The following KIF26B variants were observed in gnomAD, a reference collection of about 807,000 sequenced individuals.
KIF26B encodes kinesin-like protein KIF26B.
In KIF26B, 63 loss-of-function variants were observed where a neutral mutation model predicts 151.2. The ratio of observed to expected loss-of-function variants is 0.42; its 90% CI spans 0.34 to 0.51. KIF26B has a LOEUF of 0.51. Among genes scored for constraint, KIF26B ranks in the 20% least tolerant of loss-of-function variants. The pLI, the probability that KIF26B is intolerant of heterozygous loss-of-function variation, is 0.07. For synonymous variants in KIF26B, 1,357 were observed against 1,262.1 expected (o/e 1.08, Z -1.59); for missense variants, 2,813 against 2,913.6 (o/e 0.97, Z 0.79).
rs7551368 is a variant in KIF26B, at chr1:245,248,853, C to T, written c.465+92170C>T. On this transcript the variant is annotated intron_variant, in intron 2 of 14. Coordinates refer to ENST00000407071, the MANE Select transcript of KIF26B (RefSeq NM_018012.4). ...TCAAGTGTAAATCAGTCTGTACCTC[C>T]GAGTGGAAACCAGTCAGTGGGATGT... is the stretch of plus-strand genomic sequence containing the variant. Among the ~76,000 whole-genome samples the T allele has an allele frequency of 8.4e-3, 1,278 of 152,262 alleles. 7 individuals carry two copies. The highest frequency in any genetic ancestry group is 0.027 in the Middle Eastern group (8 of 294).
chr1:245,579,535 G>A (rs544118189), intron 5 of KIF26B, among the ~76,000 whole-genome samples: 1 of 152,222 alleles, frequency 6.6e-6, no homozygotes, highest in East Asian at 1.9e-4. Context: ...TTGGCTGGGT[G>A]CAGTGGCTCA....
At position 245,684,356 on chromosome 1, in the gene KIF26B, T is replaced by C. The variant is rs2044480442; in HGVS notation, c.2382T>C (p.Ile794=). Residue 794 remains isoleucine, a synonymous_variant, in exon 11 of 15, where the codon ATT becomes ATC. Coordinates refer to ENST00000407071, the MANE Select transcript of KIF26B (RefSeq NM_018012.4). ...CGGAGACCCTGTCCACCATCCAGATTGCATCGAGAGTCTTGAGGATGAAGA... is the reference window on the plus strand; with the variant it reads ...CGGAGACCCTGTCCACCATCCAGATCGCATCGAGAGTCTTGAGGATGAAGA... The part of the protein sequence containing the change: ...SYAETLSTIQ[I]ASRVLRMKKK... The C allele has an allele frequency of 6.2e-7, 1 of 1,613,130 alleles. No individual in the cohort carries two copies. The highest frequency in any genetic ancestry group is 8.5e-7 in the Non-Finnish European group (1 of 1,179,640).
intron 5 of KIF26B, among the ~76,000 whole-genome samples, chr1:245,558,289 G>A (rs1662083898): frequency 6.6e-6 from 1 of 152,178 alleles, no homozygotes; most frequent in South Asian, 2.1e-4. Context: ...AGGCTGCAGG[G>A]GGCTGGCTCC....
At chr1:245,658,791 G>T (rs6662217) in intron 10 of KIF26B, among the ~76,000 whole-genome samples, 4,867 of 152,164 alleles carry the variant, frequency 0.032, 256 homozygotes, top group African/African-American at 0.11. Flanking sequence ...AGCCTTCTCT[G>T]ATCTCCTTTC....
chr1:245,599,435 GC>G (rs2043368790), intron 5 of KIF26B, among the ~76,000 whole-genome samples: 1 of 152,226 alleles, frequency 6.6e-6, no homozygotes, highest in Non-Finnish European at 1.5e-5. Context: ...TGAGCCGCAG[GC>G]TCGGGATTTC....
rs566904769 is a variant in KIF26B at position 245,450,859 on chromosome 1, T to G, written c.1166+31114T>G. On this transcript the variant is annotated intron_variant, in intron 4 of 14. Coordinates refer to ENST00000407071, the MANE Select transcript of KIF26B (RefSeq NM_018012.4). ...GTGAAATGTGAATGAATTTTTAAGATAGATATTTTAAGATGAATTTTTAAG... is the reference window on the plus strand; with the variant it reads ...GTGAAATGTGAATGAATTTTTAAGAGAGATATTTTAAGATGAATTTTTAAG... 5.8e-4 allele frequency among the ~76,000 whole-genome samples: 89 copies of G among 152,320 alleles called. 1 individual carries two copies. The highest frequency in any genetic ancestry group is 1.9e-3 in the African/African-American group (81 of 41,576).
chr1:245,536,038 A>G (rs1001968527), intron 4 of KIF26B, among the ~76,000 whole-genome samples: 2 of 152,142 alleles, frequency 1.3e-5, no homozygotes, highest in African/African-American at 4.8e-5. Context: ...GCCTTTATAA[A>G]CATTATCAGA....
In KIF26B at chr1:245,563,851, G is replaced by C. The variant is rs2042979751; in HGVS notation, c.1350+22901G>C. Among the ~76,000 whole-genome samples, 1 of 152,182 alleles carries C rather than the reference G, an allele frequency of 6.6e-6. No individual in the cohort carries two copies. The highest frequency in any genetic ancestry group is 6.6e-5 in the Admixed American group (1 of 15,264). On this transcript the variant is annotated intron_variant, in intron 5 of 14. Transcript: ENST00000407071. The surrounding 1 kb of genome is among the most constrained non-coding windows in gnomAD (Gnocchi z 4.6). The stretch of plus-strand genomic sequence containing the variant: ...GGGCTCCTGCAGGACCCGGGAGACA[G>C]TGTTGAACTTGACCTTGCTCTCCTC...
At chr1:245,212,384 C>T (rs1289436854) in intron 2 of KIF26B, among the ~76,000 whole-genome samples, 4 of 152,204 alleles carry the variant, frequency 2.6e-5, no homozygotes, top group African/African-American at 9.7e-5. Context: ...TGTTCTCTCC[C>T]ACGTGATGGG....
chr1:245,294,932 G>A (rs1017437243), intron 2 of KIF26B, among the ~76,000 whole-genome samples: 4 of 152,190 alleles, frequency 2.6e-5, no homozygotes, highest in African/African-American at 7.2e-5. Flanking sequence ...CAAAGTGCTG[G>A]GATTACAGGC....
chr1:245,464,955 C>T (rs1411973186), intron 4 of KIF26B, among the ~76,000 whole-genome samples: 1 of 151,342 alleles, frequency 6.6e-6, no homozygotes, highest in South Asian at 2.1e-4. Flanking sequence ...GGCACCCAGC[C>T]GCAGATTACC....
chr1:245,395,945 A>G (rs78065403), intron 3 of KIF26B, among the ~76,000 whole-genome samples: 5 of 152,216 alleles, frequency 3.3e-5, no homozygotes, highest in East Asian at 3.9e-4. Flanking sequence ...CAGGGGGGGA[A>G]ATTTCTTCCT....
chr1:245,374,763 G>A (rs986582162), intron 3 of KIF26B, among the ~76,000 whole-genome samples: 98 of 152,178 alleles, frequency 6.4e-4, no homozygotes, highest in African/African-American at 2.3e-3. Flanking sequence ...TTATGAACAT[G>A]GAAAAAAGAA....
intron 4 of KIF26B, among the ~76,000 whole-genome samples, chr1:245,532,733 G>C (rs1661401959): frequency 6.6e-6 from 1 of 151,612 alleles, no homozygotes; most frequent in South Asian, 2.1e-4. Context: ...TTACCTTCCT[G>C]CACTAATGAA....
intron 9 of KIF26B, among the ~76,000 whole-genome samples, chr1:245,641,300 T>TATA (rs2043889791): frequency 1.6e-5 from 2 of 121,250 alleles, no homozygotes; most frequent in Non-Finnish European, 1.8e-5. Context: ...AATTATAATA[T>TATA]GTCTTGGGGT....
At chr1:245,479,517 C>T (rs1390333544) in intron 4 of KIF26B, among the ~76,000 whole-genome samples, 3 of 151,432 alleles carry the variant, frequency 2.0e-5, no homozygotes, top group Admixed American at 6.6e-5. Context: ...CCATGTATAC[C>T]TTGGTTTGTG....
chr1:245,705,000 C>T lies in KIF26B; in HGVS notation c.*2394C>T, dbSNP rs2044822606. On this transcript the variant is annotated 3_prime_UTR_variant, in exon 15 of 15. Coordinates refer to ENST00000407071, the MANE Select transcript of KIF26B (RefSeq NM_018012.4). The stretch of plus-strand genomic sequence containing the variant: ...GGTTCCTTCCATGCTGCACTGCCTT[C>T]CTTTAGCCAGTGACAGAGCCTGGTG... 1 of 152,268 alleles carries T rather than the reference C, an allele frequency of 6.6e-6. No individual in the cohort carries two copies. The highest frequency in any genetic ancestry group is 1.5e-5 in the Non-Finnish European group (1 of 68,072). The allele number at this position is 152,268 out of a possible 1,614,324, so 9.4% of individuals were successfully genotyped here.
rs1014522077 is a variant in KIF26B at position 245,564,934 on chromosome 1, G to A, written c.1350+23984G>A. On this transcript the variant is annotated intron_variant, in intron 5 of 14. Coordinates refer to ENST00000407071, the MANE Select transcript of KIF26B (RefSeq NM_018012.4). The surrounding 1 kb of genome is among the most constrained non-coding windows in gnomAD (Gnocchi z 4.6). ...CGGGAGGCAGAGTTCAAGTGGTAAC[G>A]CTTACCTTCTGCTGTGTGGCCTGCT... is the stretch of plus-strand genomic sequence containing the variant. Among the ~76,000 whole-genome samples, 6 of 152,152 alleles carry A rather than the reference G, an allele frequency of 3.9e-5. No homozygotes were observed. Among genetic ancestry groups the A allele is most frequent in the African/African-American group, 9.7e-5 (4 of 41,436 alleles).
chr1:245,207,063 T>A (rs1223662322), intron 2 of KIF26B, among the ~76,000 whole-genome samples: 1 of 152,202 alleles, frequency 6.6e-6, no homozygotes. Context: ...CTGTGTCCCT[T>A]AAGCCTAGCA....
Sources: allele counts gnomAD v4.1 joint callset (sites outside exome capture counted in the v4.1 genomes callset), GRCh38; gene constraint gnomAD v4.1.1; non-coding constraint Gnocchi (gnomAD v3.1); transcripts MANE v1.5; gene names NCBI Gene and HGNC (gene_info 2026-07-23, HGNC 2026-07-21).